METAP1: variants seen among roughly 807,000 people sequenced by gnomAD.
METAP1 encodes methionyl aminopeptidase 1, also known as methionine aminopeptidase 1.
In METAP1, 28 loss-of-function variants were observed where a neutral mutation model predicts 53.8. That is an observed-to-expected ratio of 0.52 (90% CI 0.39 to 0.71). The LOEUF (loss-of-function observed/expected upper bound fraction) is 0.71. METAP1 is among the 30% of genes least tolerant of loss of function. The pLI is 0.00. For missense variants in METAP1, 389 were observed against 479.8 expected, an observed-to-expected ratio of 0.81 and a Z score of 1.77; for synonymous variants, 181 against 165.7, an observed-to-expected ratio of 1.09 and a Z score of -0.71.
chr4:99,019,781 C>T (rs776604190), intron 1 of METAP1, among the ~76,000 whole-genome samples: 24 of 152,176 alleles, frequency 1.6e-4, no homozygotes, highest in African/African-American at 4.1e-4. Context: ...AGCTTCCTCG[C>T]GATACCTGGC....
intron 1 of METAP1, among the ~76,000 whole-genome samples, chr4:99,013,564 C>T (rs562820623): frequency 4.6e-5 from 7 of 152,314 alleles, no homozygotes; most frequent in South Asian, 2.1e-4. Flanking sequence ...ACAAAGGAGA[C>T]GGGGACATTT....
At chr4:99,001,302 AAGAT>A (rs1389555949) in intron 1 of METAP1, among the ~76,000 whole-genome samples, 1 of 152,232 alleles carries the variant, frequency 6.6e-6, no homozygotes, top group Admixed American at 6.5e-5. Flanking sequence ...TATAAGCAAA[AAGAT>A]AGGATGAGGT....
intron 1 of METAP1, among the ~76,000 whole-genome samples, chr4:99,017,160 T>C (rs1265961869): frequency 6.6e-6 from 1 of 152,228 alleles, no homozygotes; most frequent in Non-Finnish European, 1.5e-5. Flanking sequence ...TAGCTATTTC[T>C]CCTGGTAGCT....
At chr4:99,040,023 G>A (rs1023588131) in intron 5 of METAP1, among the ~76,000 whole-genome samples, 1 of 152,126 alleles carries the variant, frequency 6.6e-6, no homozygotes, top group Admixed American at 6.5e-5. Context: ...CATTGTGCCC[G>A]GTTTAGCCAT....
intron 2 of METAP1, among the ~76,000 whole-genome samples, chr4:99,031,100 A>ATTTTT (rs1724983100): frequency 9.7e-6 from 1 of 103,258 alleles, no homozygotes; most frequent in Non-Finnish European, 2.0e-5. Context: ...ACTCAAAGGT[A>ATTTTT]GTTTTTTTTT....
chr4:99,048,691 AT>A (rs755821852), intron 8 of METAP1, 41 bp from the exon 9 acceptor site: 1 of 1,594,812 alleles, frequency 6.3e-7, no homozygotes, highest in Admixed American at 1.7e-5. Context: ...CTTAGTACGT[AT>A]TAGTTATTAG....
At chr4:99,041,191 A>G in intron 6 of METAP1, 65 bp downstream of exon 6, 1 of 1,116,122 alleles carries the variant, frequency 9.0e-7, no homozygotes, top group South Asian at 1.7e-5. Flanking sequence ...GAACTTAAAC[A>G]TTAAGTAGAT....
At position 99,057,773 on chromosome 4, in the gene METAP1, A is replaced by G; in HGVS notation, c.952A>G (p.Met318Val). 1 of 1,594,204 alleles carries G rather than the reference A, an allele frequency of 6.3e-7. No homozygotes were observed. Among genetic ancestry groups the G allele is most frequent in the Non-Finnish European group, 8.5e-7 (1 of 1,169,740 alleles). ...TTCAGAAAATAAAGCAGTTGGAGTG[A>G]TGAAGTCGGGCCATGTATTTACAAT... is the stretch of plus-strand genomic sequence containing the variant. Reference protein sequence around the residue: ...HYAKNKAVGVMKSGHVFTIEP... With the variant: ...HYAKNKAVGVVKSGHVFTIEP... The change falls in exon 10 of 11, where the codon ATG becomes GTG. Residue 318 changes from methionine to valine, a missense_variant. Transcript: ENST00000296411.
At chr4:99,009,834 G>C (rs545917676) in intron 1 of METAP1, among the ~76,000 whole-genome samples, 2 of 152,250 alleles carry the variant, frequency 1.3e-5, no homozygotes, top group Admixed American at 1.3e-4. Context: ...CTTTTACTCT[G>C]TTGATTGTGT....
chr4:99,060,748 C>T (rs1467986538), intron 10 of METAP1, among the ~76,000 whole-genome samples: 1 of 152,022 alleles, frequency 6.6e-6, no homozygotes, highest in African/African-American at 2.4e-5. Context: ...TGCAGAATGT[C>T]CTTTTTAAAA....
chr4:99,048,979 T>C, intron 9 of METAP1, 103 bp downstream of exon 9: 2 of 1,336,328 alleles, frequency 1.5e-6, no homozygotes, highest in Non-Finnish European at 2.1e-6. Flanking sequence ...TAGAGTAATC[T>C]CTTAGCTGTA....
At chr4:99,009,462 G>A (rs1486654456) in intron 1 of METAP1, among the ~76,000 whole-genome samples, 1 of 152,070 alleles carries the variant, frequency 6.6e-6, no homozygotes, top group Non-Finnish European at 1.5e-5. Context: ...ATAGTAGTTG[G>A]ATTGTTCTAC....
At chr4:99,048,935 A>G in intron 9 of METAP1, 59 bp downstream of exon 9, 1 of 1,556,960 alleles carries the variant, frequency 6.4e-7, no homozygotes, top group East Asian at 2.2e-5. Flanking sequence ...ATACTTATTC[A>G]TACATTTAAC....
chr4:99,059,529 G>A (rs1727392597), intron 10 of METAP1, among the ~76,000 whole-genome samples: 1 of 152,308 alleles, frequency 6.6e-6, no homozygotes, highest in Non-Finnish European at 1.5e-5. Context: ...GTCTGAGGCA[G>A]TGAGTCCTAG....
chr4:99,009,823 C>T (rs1723381963), intron 1 of METAP1, among the ~76,000 whole-genome samples: 2 of 152,130 alleles, frequency 1.3e-5, no homozygotes, highest in Admixed American at 1.3e-4. Flanking sequence ...CCATAGGTTA[C>T]CTTTTACTCT....
chr4:99,038,697 A>C (rs1437993259), intron 4 of METAP1, among the ~76,000 whole-genome samples: 1 of 152,122 alleles, frequency 6.6e-6, no homozygotes, highest in Admixed American at 6.5e-5. Flanking sequence ...GAAGCTAACA[A>C]ATTTTATTAG....
At chr4:99,019,120 G>T (rs1723941023) in intron 1 of METAP1, among the ~76,000 whole-genome samples, 1 of 152,142 alleles carries the variant, frequency 6.6e-6, no homozygotes, top group Non-Finnish European at 1.5e-5. Flanking sequence ...TTTTGTATCT[G>T]ACTTCTATAT....
At chr4:99,017,423 A>C (rs750010669) in intron 1 of METAP1, among the ~76,000 whole-genome samples, 1 of 152,266 alleles carries the variant, frequency 6.6e-6, no homozygotes, top group Non-Finnish European at 1.5e-5. Context: ...GAGTTTCTCC[A>C]TCCACCACAG....
chr4:99,031,640 G>T lies in METAP1; in HGVS notation c.167-2590G>T, dbSNP rs1465058346. On this transcript the variant is annotated intron_variant, in intron 2 of 10. Transcript: ENST00000296411. ...TTAAATAAAGAAATCCATGAGAAGT[G>T]CTTAGCATGTGTACCATGCATAGTA... 8.4e-6 allele frequency: 10 copies of T among 1,193,720 alleles called. No individual in the cohort carries two copies. In the South Asian group the frequency reaches 1.1e-4, roughly 14 times the overall value. The allele number at this position is 1,193,720 out of a possible 1,614,324, so 73.9% of individuals were successfully genotyped here.
Sources: gnomAD v4.1 joint callset for allele counts (sites outside exome capture counted in the v4.1 genomes callset) on GRCh38, gnomAD v4.1.1 for gene constraint, MANE v1.5 for transcripts, NCBI Gene and HGNC (gene_info 2026-07-23, HGNC 2026-07-21) for gene names.